UTRN: variants seen among roughly 807,000 people sequenced by gnomAD.
The protein encoded by UTRN is utrophin.
In UTRN, 283 loss-of-function variants were observed where a neutral mutation model predicts 463.9. The observed-to-expected ratio is 0.61, with a 90% confidence interval of 0.55 to 0.67. UTRN has a LOEUF of 0.67. Among genes scored for constraint, UTRN ranks in the 30% least tolerant of loss-of-function variants. The pLI, the probability that UTRN is intolerant of heterozygous loss-of-function variation, is 0.00. For synonymous variants in UTRN, 1,442 were observed against 1,431.5 expected (o/e 1.01, Z -0.17); for missense variants, 3,922 against 4,084.3 (o/e 0.96, Z 1.08).
At chr6:144,846,939 T>A (rs139055211) in intron 74 of UTRN, 112 bp downstream of exon 74, 135 of 1,429,986 alleles carry the variant, frequency 9.4e-5, no homozygotes, top group Non-Finnish European at 1.2e-4. Flanking sequence ...TAAGTAAACT[T>A]ACTTGACATT....
At position 144,423,569 on chromosome 6, in the gene UTRN, A is replaced by G. The variant is rs1476023732; in HGVS notation, c.255A>G (p.Thr85=). The change falls in exon 5 of 75, where the codon ACA becomes ACG. Residue 85 remains threonine, a synonymous_variant. Transcript: ENST00000367545. ...GTSLPKERGS[T]RVHALNNVNR... is the part of the protein sequence containing the mutation. ...TCCAGCCAAAGGAACGTGGTTCCAC[A>G]AGGGTACATGCCTTAAATAACGTCA... The G allele has an allele frequency of 1.2e-6, 2 of 1,614,120 alleles. No homozygotes were observed. The highest frequency in any genetic ancestry group is 1.7e-6 in the Non-Finnish European group (2 of 1,180,046).
At chr6:144,427,029 C>T (rs188353657) in intron 7 of UTRN, among the ~76,000 whole-genome samples, 110 of 152,242 alleles carry the variant, frequency 7.2e-4, no homozygotes, top group African/African-American at 2.5e-3. Context: ...ATAAGCTGAA[C>T]CATATGAAAT....
intron 2 of UTRN, among the ~76,000 whole-genome samples, chr6:144,385,900 G>A (rs1175959854): frequency 6.6e-6 from 1 of 152,002 alleles, no homozygotes; most frequent in African/African-American, 2.4e-5. Flanking sequence ...GTAGAGACAA[G>A]GTTTCATCAT....
intron 2 of UTRN, among the ~76,000 whole-genome samples, chr6:144,325,277 C>T (rs765093438): frequency 6.6e-6 from 1 of 152,200 alleles, no homozygotes; most frequent in South Asian, 2.1e-4. Context: ...GAGCTCTGCT[C>T]TCTTTCTTGA....
intron 54 of UTRN, among the ~76,000 whole-genome samples, chr6:144,739,320 A>G (rs1789792636): frequency 6.6e-6 from 1 of 152,238 alleles, no homozygotes. Context: ...TTATGCAAAT[A>G]CAATTTCATA....
At chr6:144,629,315 C>T (rs952065336) in intron 51 of UTRN, among the ~76,000 whole-genome samples, 3 of 152,014 alleles carry the variant, frequency 2.0e-5, no homozygotes, top group African/African-American at 4.8e-5. Flanking sequence ...AGACTGTCAC[C>T]GCCCTTGCAA....
chr6:144,676,969 T>C (rs929612269), intron 51 of UTRN, among the ~76,000 whole-genome samples: 1 of 152,180 alleles, frequency 6.6e-6, no homozygotes, highest in Non-Finnish European at 1.5e-5. Context: ...TTCAGTGATT[T>C]GGCAACAACA....
At chr6:144,695,705 A>C (rs1047666753) in intron 52 of UTRN, among the ~76,000 whole-genome samples, 2 of 152,216 alleles carry the variant, frequency 1.3e-5, no homozygotes, top group Non-Finnish European at 2.9e-5. Context: ...AACAATACAT[A>C]CAATGATAAA....
intron 2 of UTRN, 70 bp from the exon 3 acceptor site, chr6:144,403,053 C>A (rs993721054): frequency 7.2e-6 from 10 of 1,397,630 alleles, no homozygotes; most frequent in African/African-American, 1.4e-5. Context: ...TAGAGATAAC[C>A]TTATTTGGTG....
chr6:144,542,481 G>T (rs1046000462), intron 45 of UTRN, among the ~76,000 whole-genome samples: 1 of 152,158 alleles, frequency 6.6e-6, no homozygotes, highest in Non-Finnish European at 1.5e-5. Context: ...ATTCAGGAGA[G>T]CCAGCCAGAG....
rs1266062632 is a variant in UTRN at position 144,827,689 on chromosome 6, G to A, written c.9599+13G>A. 1 of 1,612,984 alleles carries A rather than the reference G, an allele frequency of 6.2e-7. No individual in the cohort carries two copies. Among genetic ancestry groups the A allele is most frequent in the Non-Finnish European group, 8.5e-7 (1 of 1,179,378 alleles). ...AATATGCCACACGGTAAGAAACTTT[G>A]ATCAGAGCCCTCCACTGCACTGCCA... is the stretch of plus-strand genomic sequence containing the variant. On this transcript the variant is annotated intron_variant, in intron 68 of 74. Coordinates refer to ENST00000367545, the MANE Select transcript of UTRN (RefSeq NM_007124.3).
chr6:144,554,559 A>T, intron 48 of UTRN, 129 bp from the exon 49 acceptor site: 1 of 931,060 alleles, frequency 1.1e-6, no homozygotes, highest in Non-Finnish European at 1.6e-6. Flanking sequence ...AATTCCTTCA[A>T]AATGTGTTTA....
Position 144,437,566 on chromosome 6 carries a change from C to G in UTRN, c.1061C>G (p.Ala354Gly). 1 of 1,599,254 alleles carries G rather than the reference C, an allele frequency of 6.3e-7. No individual in the cohort carries two copies. Among genetic ancestry groups the G allele is most frequent in the Non-Finnish European group, 8.5e-7 (1 of 1,174,824 alleles). The change falls in exon 11 of 75, where the codon GCT becomes GGT. Residue 354 changes from alanine (A) to glycine (G), a missense_variant and splice_region_variant. This residue lies in a region of UTRN where 2,349 missense variants were observed against 2,303.8 expected (regional missense o/e 1.02). Coordinates refer to ENST00000367545, the MANE Select transcript of UTRN (RefSeq NM_007124.3). ...EVKDQFATHE[A>G]FMMELTAHQS... ...AATTATAACAATGTCCCTTTCTAGGCTTTTATGATGGAACTGACTGCACAC... is the reference window on the plus strand; with the variant it reads ...AATTATAACAATGTCCCTTTCTAGGGTTTTATGATGGAACTGACTGCACAC...
intron 50 of UTRN, among the ~76,000 whole-genome samples, chr6:144,571,006 T>C (rs2128621880): frequency 6.6e-6 from 1 of 152,312 alleles, no homozygotes; most frequent in East Asian, 1.9e-4. Context: ...ACCTATTATG[T>C]GCATATGAAT....
At position 144,697,938 on chromosome 6, in the gene UTRN, G is replaced by A. The variant is rs973197680; in HGVS notation, c.7653-2149G>A. ...TTGATTATTGAGTTAAACTACAGAC[G>A]TTGAAGATGCAGGATCAAATCATCT... On this transcript the variant is annotated intron_variant, in intron 52 of 74. Transcript: ENST00000367545. Among the ~76,000 whole-genome samples the A allele has an allele frequency of 5.3e-5, 8 of 152,282 alleles. No individual in the cohort carries two copies. The East Asian group carries it at 5.8e-4, about 11-fold the overall frequency.
intron 51 of UTRN, among the ~76,000 whole-genome samples, chr6:144,605,187 G>A (rs1308436565): frequency 2.0e-5 from 3 of 152,026 alleles, no homozygotes; most frequent in African/African-American, 7.2e-5. Context: ...CCAGGTCATA[G>A]GACCTTCTCA....
intron 2 of UTRN, among the ~76,000 whole-genome samples, chr6:144,345,389 C>T (rs139055873): frequency 6.2e-4 from 94 of 152,242 alleles, no homozygotes; most frequent in Admixed American, 5.6e-3. Context: ...TAAAACTCCA[C>T]GCGGGCCAGG....
intron 51 of UTRN, among the ~76,000 whole-genome samples, chr6:144,634,279 T>TGG (rs1052417298): frequency 1.5e-4 from 23 of 152,174 alleles, no homozygotes; most frequent in African/African-American, 5.3e-4. Context: ...TTGAGGAGCT[T>TGG]GGGTGAAGAA....
intron 41 of UTRN, among the ~76,000 whole-genome samples, chr6:144,528,672 G>A (rs941099836): frequency 6.6e-6 from 1 of 152,208 alleles, no homozygotes; most frequent in Non-Finnish European, 1.5e-5. Context: ...TCTCTCAGCT[G>A]TGGATACCAG....
Sources: allele counts gnomAD v4.1 joint callset (sites outside exome capture counted in the v4.1 genomes callset), GRCh38; gene constraint gnomAD v4.1.1; regional missense constraint gnomAD v4.1.1; transcripts MANE v1.5; gene names NCBI Gene and HGNC (gene_info 2026-07-23, HGNC 2026-07-21).